The following CADPS variants were observed in gnomAD, a reference collection of about 807,000 sequenced individuals.
The protein encoded by CADPS is calcium dependent secretion activator.
Under a neutral mutation model 167.3 loss-of-function variants are expected in CADPS, and 57 were observed. The observed-to-expected ratio is 0.34, with a 90% CI of 0.28 to 0.42. The LOEUF is 0.42. Ranked by LOEUF, CADPS falls within the 20% of genes least tolerant of loss-of-function variation. CADPS has a pLI of 1.00. For synonymous variants in CADPS, 676 were observed against 635.3 expected (o/e 1.06, Z -0.96); for missense variants, 1,414 against 1,738.1 (o/e 0.81, Z 3.32).
chr3:62,750,744 T>C (rs2082515832), intron 3 of CADPS, among the ~76,000 whole-genome samples: 2 of 152,346 alleles, frequency 1.3e-5, no homozygotes, highest in East Asian at 1.9e-4. Context: ...TGCCTGCATA[T>C]TGTGCTTCAT....
chr3:62,830,658 C>T (rs997003374), intron 1 of CADPS, among the ~76,000 whole-genome samples: 1 of 152,120 alleles, frequency 6.6e-6, no homozygotes, highest in Non-Finnish European at 1.5e-5. Flanking sequence ...GCTAGCTGTA[C>T]AGACCTGACT....
At chr3:62,716,885 C>A (rs1454352600) in intron 3 of CADPS, among the ~76,000 whole-genome samples, 2 of 152,164 alleles carry the variant, frequency 1.3e-5, no homozygotes, top group Non-Finnish European at 2.9e-5. Context: ...GGTACACCTG[C>A]AGATTCTCCA....
chr3:62,652,721 GAGAAAAGAAA>G (rs373441479), intron 4 of CADPS, among the ~76,000 whole-genome samples: 4 of 152,024 alleles, frequency 2.6e-5, no homozygotes, highest in Admixed American at 1.3e-4. Context: ...AGGGAGAGGA[GAGAAAAGAAA>G]AGAAAAGAAA....
intron 3 of CADPS, among the ~76,000 whole-genome samples, chr3:62,693,955 C>A (rs764279146): frequency 6.6e-6 from 1 of 152,064 alleles, no homozygotes; most frequent in Non-Finnish European, 1.5e-5. Flanking sequence ...CAAAGGACAA[C>A]CACAGTCACA....
Position 62,449,169 on chromosome 3 carries a change from T to C in CADPS, c.3637-3372A>G, listed in dbSNP as rs17066409. On this transcript the variant is annotated intron_variant, in intron 26 of 29. Coordinates refer to ENST00000383710, the MANE Select transcript of CADPS (RefSeq NM_003716.4). The stretch of plus-strand genomic sequence containing the variant: ...CCCTAGAAAAAGGTCTAAACAGCTA[T>C]CACACTCCAGCCAGGAACTGGCCAT... 7.7e-3 allele frequency among the ~76,000 whole-genome samples: 1,167 copies of C among 152,318 alleles called. 15 individuals carry two copies. Among genetic ancestry groups the C allele is most frequent in the African/African-American group, 0.027 (1,108 of 41,558 alleles).
At chr3:62,800,429 T>C (rs2093692659) in intron 1 of CADPS, among the ~76,000 whole-genome samples, 1 of 152,154 alleles carries the variant, frequency 6.6e-6, no homozygotes, top group African/African-American at 2.4e-5. Context: ...ATCATTTGAC[T>C]TTTATATACA....
chr3:62,732,829 T>C (rs943989361), intron 3 of CADPS, among the ~76,000 whole-genome samples: 2 of 152,152 alleles, frequency 1.3e-5, no homozygotes, highest in African/African-American at 4.8e-5. Context: ...TAATACTCTG[T>C]CAGGCAGTCA....
In CADPS at chr3:62,874,459, C is replaced by G. The variant is rs1417422193; in HGVS notation, c.441+130G>C. 1 of 693,562 alleles carries G rather than the reference C, an allele frequency of 1.4e-6. No individual in the cohort carries two copies. The highest frequency in any genetic ancestry group is 2.4e-6 in the Non-Finnish European group (1 of 418,074). The allele number at this position is 693,562 out of a possible 1,614,324, so 43.0% of individuals were successfully genotyped here. A position where few individuals can be genotyped will look rare whatever the true frequency, so the allele number is the denominator to read the frequency against. On this transcript the variant is annotated intron_variant, in intron 1 of 29. Coordinates refer to ENST00000383710, the MANE Select transcript of CADPS (RefSeq NM_003716.4). This position sits in a 1 kb window ranked among gnomAD's most constrained non-coding sequence, Gnocchi z 7.1. Reference sequence around the variant, plus strand: ...CGGCCGCTGGGAGGGGGCCTCGTAGCCCTTTCCCCAGGGCGCGGTCTCCAC... The same window carrying G: ...CGGCCGCTGGGAGGGGGCCTCGTAGGCCTTTCCCCAGGGCGCGGTCTCCAC...
chr3:62,463,212 G>A (rs114490328), intron 26 of CADPS, among the ~76,000 whole-genome samples: 3,447 of 152,150 alleles, frequency 0.023, 50 homozygotes, highest in Non-Finnish European at 0.028. Context: ...TCTTGATATC[G>A]CTGCCCCTGG....
chr3:62,801,684 T>G (rs1038762280), intron 1 of CADPS, among the ~76,000 whole-genome samples: 1 of 152,090 alleles, frequency 6.6e-6, no homozygotes, highest in Non-Finnish European at 1.5e-5. Flanking sequence ...ATGTGCCAGG[T>G]GTTGTTCACA....
intron 9 of CADPS, among the ~76,000 whole-genome samples, chr3:62,568,926 G>A (rs2080792901): frequency 6.6e-6 from 1 of 152,092 alleles, no homozygotes; most frequent in African/African-American, 2.4e-5. Context: ...GTTTGCATAT[G>A]TAGAACTCTA....
intron 3 of CADPS, among the ~76,000 whole-genome samples, chr3:62,711,903 A>T (rs987251032): frequency 1.3e-5 from 2 of 152,210 alleles, no homozygotes; most frequent in African/African-American, 2.4e-5. Flanking sequence ...AAACCAACAC[A>T]ATCCTGAGTA....
intron 3 of CADPS, among the ~76,000 whole-genome samples, chr3:62,670,996 A>C (rs909089329): frequency 1.3e-5 from 2 of 152,190 alleles, no homozygotes; most frequent in African/African-American, 2.4e-5. Flanking sequence ...CAGGAGCTGG[A>C]AACAGTCAGA....
chr3:62,706,463 G>A (rs1463150006), intron 3 of CADPS, among the ~76,000 whole-genome samples: 1 of 152,078 alleles, frequency 6.6e-6, no homozygotes, highest in Non-Finnish European at 1.5e-5. Context: ...GAACTATATG[G>A]GTTTGCTGAA....
intron 9 of CADPS, among the ~76,000 whole-genome samples, chr3:62,561,578 C>A (rs931622364): frequency 6.6e-6 from 1 of 152,028 alleles, no homozygotes; most frequent in African/African-American, 2.4e-5. Context: ...CCAGATATCT[C>A]TTAATACATG....
rs1266336506 is a variant in CADPS at position 62,765,961 on chromosome 3, T to G, written c.465A>C (p.Thr155=). Residue 155 remains threonine, a synonymous_variant, in exon 2 of 30, where the codon ACA becomes ACC. Coordinates refer to ENST00000383710, the MANE Select transcript of CADPS (RefSeq NM_003716.4). Reference sequence around the variant, plus strand: ...GGAAAGCCTGAAACCGGTCCTTGACTGTCTGCAGCTGCTGTTTGCTGATCT... The same window carrying G: ...GGAAAGCCTGAAACCGGTCCTTGACGGTCTGCAGCTGCTGTTTGCTGATCT... ...QQKISKQQLQ[T]VKDRFQAFLN... is the part of the protein sequence containing the mutation. 3 of 1,612,804 alleles carry G rather than the reference T, an allele frequency of 1.9e-6. No individual in the cohort carries two copies. In the Admixed American group the frequency reaches 5.0e-5, roughly 27 times the overall value.
At chr3:62,516,801 G>A (rs2151678516) in intron 14 of CADPS, among the ~76,000 whole-genome samples, 158 bp from the exon 15 acceptor site, 1 of 152,206 alleles carries the variant, frequency 6.6e-6, no homozygotes. Context: ...CCATATATGT[G>A]TGTATATAAT....
At chr3:62,658,258 C>T (rs946761905) in intron 4 of CADPS, among the ~76,000 whole-genome samples, 10 of 152,208 alleles carry the variant, frequency 6.6e-5, no homozygotes, top group East Asian at 1.9e-4. Flanking sequence ...TTGTTCATCA[C>T]GGGTCTAAAT....
intron 3 of CADPS, among the ~76,000 whole-genome samples, chr3:62,694,045 T>TA (rs1213424192): frequency 4.6e-5 from 7 of 152,042 alleles, no homozygotes; most frequent in Non-Finnish European, 7.4e-5. Flanking sequence ...ACCCCAGTGC[T>TA]CGCTCAATGG....
Sources: gnomAD v4.1 joint callset for allele counts (sites outside exome capture counted in the v4.1 genomes callset) on GRCh38, gnomAD v4.1.1 for gene constraint, Gnocchi (gnomAD v3.1) non-coding constraint, MANE v1.5 for transcripts, NCBI Gene and HGNC (gene_info 2026-07-23, HGNC 2026-07-21) for gene names.